The following SUGCT variants were observed in gnomAD, a reference collection of about 807,000 sequenced individuals.
SUGCT encodes succinyl-CoA:glutarate-CoA transferase, also known as succinyl-CoA:glutarate CoA-transferase.
In SUGCT, 41 loss-of-function variants were observed where a neutral mutation model predicts 55.0. The ratio of observed to expected loss-of-function variants is 0.74; its 90% CI spans 0.58 to 0.97. SUGCT has a LOEUF of 0.97. SUGCT is among the 50% of genes least tolerant of loss of function. SUGCT has a pLI of 0.00. For synonymous variants in SUGCT, 187 were observed against 200.4 expected (o/e 0.93, Z 0.56); for missense variants, 568 against 547.8 (o/e 1.04, Z -0.37).
intron 3 of SUGCT, among the ~76,000 whole-genome samples, chr7:40,183,580 C>T (rs962425739): frequency 6.6e-6 from 1 of 152,134 alleles, no homozygotes; most frequent in African/African-American, 2.4e-5. Context: ...GAACTCCTGT[C>T]TCAGCCTTTC....
intron 13 of SUGCT, among the ~76,000 whole-genome samples, chr7:40,841,178 A>G (rs558473367): frequency 1.3e-5 from 2 of 152,220 alleles, no homozygotes; most frequent in South Asian, 2.1e-4. Context: ...CTAATAAACA[A>G]AATAAAATTT....
intron 9 of SUGCT, among the ~76,000 whole-genome samples, chr7:40,336,866 G>GAGGAAATTTTAGAT (rs1218712833): frequency 0.014 from 2,198 of 152,232 alleles, 47 homozygotes; most frequent in South Asian, 0.058. Flanking sequence ...GATCTTTCCT[G>GAGGAAATTTTAGAT]CTTTGTCTTG....
intron 13 of SUGCT, among the ~76,000 whole-genome samples, chr7:40,769,096 A>G (rs939171490): frequency 1.4e-5 from 2 of 146,308 alleles, no homozygotes; most frequent in East Asian, 1.9e-4. Flanking sequence ...CATGGGGAGC[A>G]GTAAAAAAAA....
intron 12 of SUGCT, among the ~76,000 whole-genome samples, chr7:40,743,037 AT>A (rs991763829): frequency 2.0e-5 from 3 of 152,332 alleles, no homozygotes; most frequent in Middle Eastern, 3.4e-3. Context: ...TTAATTTCAC[AT>A]GTATAAATGT....
Position 40,135,119 on chromosome 7 carries a change from A to G in SUGCT, c.99A>G (p.Ser33=). 2 of 1,552,180 alleles carry G rather than the reference A, an allele frequency of 1.3e-6. No homozygotes were observed. Among genetic ancestry groups the G allele is most frequent in the Non-Finnish European group, 1.7e-6 (2 of 1,148,976 alleles). Residue 33 remains serine, a splice_region_variant and synonymous_variant, in exon 1 of 14, where the codon TCA becomes TCG. Coordinates refer to ENST00000335693, the MANE Select transcript of SUGCT (RefSeq NM_001193313.2). The part of the protein sequence containing the change: ...GRGLWTGRPQ[S]DMNNIKPLEG... ...GGCTGTGGACTGGCCGCCCGCAGTCAGGTACCCTCCGAGATTCGGTCTGGG... is the reference window on the plus strand; with the variant it reads ...GGCTGTGGACTGGCCGCCCGCAGTCGGGTACCCTCCGAGATTCGGTCTGGG...
intron 12 of SUGCT, among the ~76,000 whole-genome samples, chr7:40,649,145 G>A (rs1800656843): frequency 6.6e-6 from 1 of 151,906 alleles, no homozygotes; most frequent in African/African-American, 2.4e-5. Flanking sequence ...TTTCTCTGGT[G>A]TTTTGAAATC....
chr7:40,323,099 A>T (rs1306365512), intron 9 of SUGCT, among the ~76,000 whole-genome samples: 2 of 151,222 alleles, frequency 1.3e-5, no homozygotes, highest in African/African-American at 4.8e-5. Context: ...CAATTTTCCC[A>T]TATGGCTCTG....
intron 13 of SUGCT, among the ~76,000 whole-genome samples, chr7:40,827,787 C>T (rs1194227103): frequency 6.6e-6 from 1 of 152,112 alleles, no homozygotes; most frequent in African/African-American, 2.4e-5. Flanking sequence ...GAAAAAGCCA[C>T]AAGAACTTAA....
intron 6 of SUGCT, among the ~76,000 whole-genome samples, chr7:40,196,430 C>T (rs982481540): frequency 1.5e-4 from 23 of 152,142 alleles, no homozygotes; most frequent in African/African-American, 5.6e-4. Flanking sequence ...TCTGTGCTCT[C>T]TAGAGCATTT....
At chr7:40,372,887 C>T (rs926332935) in intron 9 of SUGCT, among the ~76,000 whole-genome samples, 1 of 151,902 alleles carries the variant, frequency 6.6e-6, no homozygotes, top group African/African-American at 2.4e-5. Context: ...CGCATTTTGT[C>T]CTCCAATAAT....
intron 9 of SUGCT, among the ~76,000 whole-genome samples, chr7:40,404,340 G>A (rs1351880124): frequency 1.3e-5 from 2 of 152,156 alleles, no homozygotes; most frequent in African/African-American, 4.8e-5. Flanking sequence ...CAAGGCTCCT[G>A]ACATCTTGTA....
At chr7:40,450,448 T>C (rs1299525217) in intron 10 of SUGCT, among the ~76,000 whole-genome samples, 2 of 151,478 alleles carry the variant, frequency 1.3e-5, no homozygotes, top group Non-Finnish European at 2.9e-5. Context: ...GCTTTTATAC[T>C]AAATTTTACC....
At chr7:40,988,312 G>A in the SUGCT span, among the ~76,000 whole-genome samples, 1 of 150,608 alleles carries the variant, frequency 6.6e-6, no homozygotes, top group African/African-American at 2.4e-5. Context: ...GGTGGGTGGA[G>A]ATAAGACCTT....
chr7:40,304,430 T>C (rs1301997131), intron 8 of SUGCT, among the ~76,000 whole-genome samples: 1 of 151,658 alleles, frequency 6.6e-6, no homozygotes, highest in Non-Finnish European at 1.5e-5. Context: ...TTTTTTCATA[T>C]TTAAATTTTT....
At chr7:40,836,829 C>T (rs1343136550) in intron 13 of SUGCT, among the ~76,000 whole-genome samples, 2 of 152,248 alleles carry the variant, frequency 1.3e-5, no homozygotes, top group Non-Finnish European at 1.5e-5. Context: ...ATATAGAATA[C>T]AACACCTTTG....
At chr7:40,823,033 C>T (rs897253080) in intron 13 of SUGCT, among the ~76,000 whole-genome samples, 1 of 152,112 alleles carries the variant, frequency 6.6e-6, no homozygotes, top group African/African-American at 2.4e-5. Context: ...CACAAGCATG[C>T]CTTGATTGTG....
chr7:40,511,735 G>A (rs1792943697), intron 12 of SUGCT, among the ~76,000 whole-genome samples: 1 of 152,138 alleles, frequency 6.6e-6, no homozygotes, highest in South Asian at 2.1e-4. Flanking sequence ...TTTAAAAAAT[G>A]TTAAAGCGTA....
At chr7:40,175,238 G>A (rs1371075176) in intron 1 of SUGCT, among the ~76,000 whole-genome samples, 1 of 143,054 alleles carries the variant, frequency 7.0e-6, no homozygotes, top group Non-Finnish European at 1.5e-5. Flanking sequence ...TTTTTTTTTC[G>A]AGACAGAGTC....
rs569055857 is a variant in SUGCT, at chr7:40,447,269, T to C, written c.817-2018T>C. Among the ~76,000 whole-genome samples the C allele has an allele frequency of 3.3e-4, 50 of 152,326 alleles. 2 individuals are homozygous for C. In the South Asian group the frequency reaches 7.5e-3, roughly 23 times the overall value. ...AAATTTAATGATCACATGCGGCTAGTGGCTAATGTAAGAAGCAAGTGAAGT... is the reference window on the plus strand; with the variant it reads ...AAATTTAATGATCACATGCGGCTAGCGGCTAATGTAAGAAGCAAGTGAAGT... On this transcript the variant is annotated intron_variant, in intron 9 of 13. Coordinates refer to ENST00000335693, the MANE Select transcript of SUGCT (RefSeq NM_001193313.2).
Sources: gnomAD v4.1 joint callset for allele counts (sites outside exome capture counted in the v4.1 genomes callset) on GRCh38, gnomAD v4.1.1 for gene constraint, MANE v1.5 for transcripts, NCBI Gene and HGNC (gene_info 2026-07-23, HGNC 2026-07-21) for gene names.